C10orf67: variants seen among roughly 807,000 people sequenced by gnomAD.
The protein encoded by C10orf67 is chromosome 10 open reading frame 67.
Under a neutral mutation model 35.6 loss-of-function variants are expected in C10orf67, and 60 were observed. The ratio of observed to expected loss-of-function variants is 1.68; its 90% CI spans 1.37 to 2.09. The LOEUF is 2.09. C10orf67 is among the 30% of genes most tolerant of loss of function. The probability of loss-of-function intolerance (pLI) is 0.00; values close to 1 mark genes in which losing one functional copy is unlikely to be tolerated. For missense variants in C10orf67, 474 were observed against 330.2 expected, an observed-to-expected ratio of 1.44 and a Z score of -3.38; for synonymous variants, 167 against 115.8, an observed-to-expected ratio of 1.44 and a Z score of -2.84.
chr10:23,215,125 T>C (rs570277646), intron 15 of C10orf67, among the ~76,000 whole-genome samples: 18 of 152,198 alleles, frequency 1.2e-4, no homozygotes, highest in African/African-American at 2.4e-4. Context: ...TATCTGAAAA[T>C]GTAGATCAAA....
At chr10:23,217,516 C>A (rs1348226096) in intron 15 of C10orf67, among the ~76,000 whole-genome samples, 1 of 152,156 alleles carries the variant, frequency 6.6e-6, no homozygotes, top group Admixed American at 6.6e-5. Context: ...TGTTTTGTTA[C>A]TACCATAATG....
intron 15 of C10orf67, among the ~76,000 whole-genome samples, chr10:23,211,336 A>G (rs11013322): frequency 0.13 from 20,430 of 152,226 alleles, 2,635 homozygotes; most frequent in East Asian, 0.67. Context: ...GACACTAGTT[A>G]TATTGAATTG....
At chr10:23,214,289 A>G (rs1841379568) in intron 15 of C10orf67, among the ~76,000 whole-genome samples, 1 of 152,174 alleles carries the variant, frequency 6.6e-6, no homozygotes, top group African/African-American at 2.4e-5. Context: ...AAGAATAAAG[A>G]ATGTCTGAAC....
Position 23,264,426 on chromosome 10 carries a change from A to G in C10orf67, c.1200+1836T>C, listed in dbSNP as rs1381030650. Reference sequence around the variant, plus strand: ...ACTTATTGTTATATATTAACTTCAGAGACTCCCTCAGCTGACAAAATGTAC... The same window carrying G: ...ACTTATTGTTATATATTAACTTCAGGGACTCCCTCAGCTGACAAAATGTAC... On this transcript the variant is annotated intron_variant, in intron 10 of 15. Coordinates refer to ENST00000636213, the MANE Select transcript of C10orf67 (RefSeq NM_001371909.1). Among the ~76,000 whole-genome samples, 14 of 152,182 alleles carry G rather than the reference A, an allele frequency of 9.2e-5. 1 individual carries two copies. Among genetic ancestry groups the G allele is most frequent in the Admixed American group, 9.2e-4 (14 of 15,278 alleles).
intron 15 of C10orf67, among the ~76,000 whole-genome samples, chr10:23,212,234 G>A (rs751378861): frequency 1.3e-5 from 2 of 152,164 alleles, no homozygotes; most frequent in African/African-American, 4.8e-5. Flanking sequence ...ATTCTCCCTC[G>A]CAGTCCTCAG....
At chr10:23,275,217 A>G (rs1387605237) in intron 8 of C10orf67, among the ~76,000 whole-genome samples, 1 of 152,172 alleles carries the variant, frequency 6.6e-6, no homozygotes, top group African/African-American at 2.4e-5. Context: ...GGTGCAAGGT[A>G]CAGTGGCACG....
intron 1 of C10orf67, among the ~76,000 whole-genome samples, chr10:23,337,920 A>G (rs1845749953): frequency 6.6e-6 from 1 of 152,214 alleles, no homozygotes; most frequent in South Asian, 2.1e-4. Flanking sequence ...CACTGAATAA[A>G]CTGAAAGCAG....
At chr10:23,275,689 C>T (rs1355393469) in intron 8 of C10orf67, among the ~76,000 whole-genome samples, 1 of 152,144 alleles carries the variant, frequency 6.6e-6, no homozygotes, top group African/African-American at 2.4e-5. Context: ...TCAGGACAAT[C>T]AGCTTGGAAA....
intron 8 of C10orf67, among the ~76,000 whole-genome samples, chr10:23,271,906 TTTGTTGTTG>T (rs982557393): frequency 6.6e-6 from 1 of 152,182 alleles, no homozygotes; most frequent in Non-Finnish European, 1.5e-5. Flanking sequence ...GAGTAAACTT[TTTGTTGTTG>T]TTGTTTGAGA....
At position 23,204,014 on chromosome 10, in the gene C10orf67, C is replaced by A; in HGVS notation, c.*159G>T. ...CACAAGGCGCGCATTGAGGTCTATT[C>A]GAGCGCAGTGCTGGTTAATATACAT... On this transcript the variant is annotated 3_prime_UTR_variant, in exon 16 of 16. Coordinates refer to ENST00000636213, the MANE Select transcript of C10orf67 (RefSeq NM_001371909.1). 2.6e-6 allele frequency: 1 copy of A among 386,500 alleles called. No homozygotes were observed. The highest frequency in any genetic ancestry group is 4.6e-6 in the Non-Finnish European group (1 of 217,500). 23.9% of individuals were successfully genotyped at this position (386,500 alleles called of 1,614,324 possible). A position where few individuals can be genotyped will look rare whatever the true frequency, so the allele number is the denominator to read the frequency against.
chr10:23,224,357 C>T (rs377325796), intron 13 of C10orf67, among the ~76,000 whole-genome samples: 1 of 152,134 alleles, frequency 6.6e-6, no homozygotes, highest in East Asian at 1.9e-4. Flanking sequence ...GAAAGGACAT[C>T]CACACCAAAA....
intron 15 of C10orf67, among the ~76,000 whole-genome samples, chr10:23,217,021 T>C (rs1376284627): frequency 6.6e-6 from 1 of 152,240 alleles, no homozygotes; most frequent in African/African-American, 2.4e-5. Flanking sequence ...TAAAAAATTT[T>C]CTACATTAAC....
intron 8 of C10orf67, among the ~76,000 whole-genome samples, chr10:23,268,105 T>C (rs757032308): frequency 3.9e-5 from 6 of 151,972 alleles, no homozygotes; most frequent in Admixed American, 3.3e-4. Context: ...CTGAGCAACA[T>C]AGCAAGACCT....
At chr10:23,253,924 C>T (rs970375900) in intron 10 of C10orf67, among the ~76,000 whole-genome samples, 5 of 152,080 alleles carry the variant, frequency 3.3e-5, no homozygotes, top group African/African-American at 7.2e-5. Flanking sequence ...CTCTCCAGTT[C>T]GAGTTGAACT....
intron 12 of C10orf67, among the ~76,000 whole-genome samples, chr10:23,244,455 A>G (rs1293805109): frequency 2.6e-5 from 4 of 152,222 alleles, no homozygotes; most frequent in Non-Finnish European, 5.9e-5. Context: ...AGATAAAAGC[A>G]AAAGTCAATT....
At chr10:23,310,793 G>T (rs977262910) in intron 4 of C10orf67, among the ~76,000 whole-genome samples, 1 of 152,106 alleles carries the variant, frequency 6.6e-6, no homozygotes, top group Non-Finnish European at 1.5e-5. Context: ...CCATTTACAG[G>T]TCAGCACTCC....
chr10:23,219,548 C>A (rs926711942), intron 15 of C10orf67, among the ~76,000 whole-genome samples: 2 of 152,192 alleles, frequency 1.3e-5, no homozygotes, highest in Admixed American at 6.5e-5. Flanking sequence ...ATAATTACTA[C>A]TGCATAAAAA....
At chr10:23,242,747 G>C (rs1842216242) in intron 12 of C10orf67, among the ~76,000 whole-genome samples, 1 of 151,602 alleles carries the variant, frequency 6.6e-6, no homozygotes. Flanking sequence ...TTCAAAAAAA[G>C]AAAATGAATA....
At chr10:23,319,547 G>A (rs920340837) in intron 4 of C10orf67, among the ~76,000 whole-genome samples, 3 of 152,128 alleles carry the variant, frequency 2.0e-5, no homozygotes, top group Admixed American at 2.0e-4. Flanking sequence ...TTGGTCAAAC[G>A]GTAGTTCTGT....
Sources: allele counts gnomAD v4.1 joint callset (sites outside exome capture counted in the v4.1 genomes callset), GRCh38; gene constraint gnomAD v4.1.1; transcripts MANE v1.5; gene names NCBI Gene and HGNC (gene_info 2026-07-23, HGNC 2026-07-21).